The following OTUD4 variants were observed in gnomAD, a reference collection of about 807,000 sequenced individuals.
OTUD4 encodes the protein OTU domain-containing protein 4.
In OTUD4, 24 loss-of-function variants were observed where a neutral mutation model predicts 130.4. The ratio of observed to expected loss-of-function variants is 0.18; its 90% confidence interval spans 0.13 to 0.26. OTUD4 has a LOEUF of 0.26. Among genes scored for constraint, OTUD4 ranks in the 10% least tolerant of loss-of-function variants. OTUD4 has a pLI of 1.00. For synonymous variants in OTUD4, 420 were observed against 472.5 expected (o/e 0.89, Z 1.44); for missense variants, 1,031 against 1,329.4 (o/e 0.78, Z 3.49).
intron 4 of OTUD4, 113 bp downstream of exon 4, chr4:145,165,038 A>G: frequency 1.9e-6 from 1 of 525,140 alleles, no homozygotes; most frequent in Non-Finnish European, 3.3e-6. Flanking sequence ...CTTAGAAAAG[A>G]TACTTCATAA....
chr4:145,174,970 A>T (rs1435061380), intron 1 of OTUD4, among the ~76,000 whole-genome samples: 1 of 152,252 alleles, frequency 6.6e-6, no homozygotes, highest in East Asian at 1.9e-4. Context: ...CCAAATTTGT[A>T]AAGAATTTAT....
In OTUD4 at chr4:145,162,539, G is replaced by A. The variant is rs539891744; in HGVS notation, c.496+101C>T. 8.2e-4 allele frequency: 481 copies of A among 583,906 alleles called. 1 individual carries two copies. In the East Asian group the frequency reaches 0.012, roughly 15 times the overall value. The allele number at this position is 583,906 out of a possible 1,614,324, so 36.2% of individuals were successfully genotyped here. A position where few individuals can be genotyped will look rare whatever the true frequency, so the allele number is the denominator to read the frequency against. On this transcript the variant is annotated intron_variant, in intron 6 of 20. Coordinates refer to ENST00000447906, the MANE Select transcript of OTUD4 (RefSeq NM_001366057.1). ...TGCACTCCAGCCTGGGAGACAGAGC[G>A]AGACTCCGTCTCAAAAAAAAACAAA... is the stretch of plus-strand genomic sequence containing the variant.
In OTUD4 at chr4:145,171,690, TTAAA is replaced by T. The variant is rs1399207905; in HGVS notation, c.270_273del (p.Tyr90Ter). 7.3e-7 allele frequency: 1 copy of T among 1,366,902 alleles called. No homozygotes were observed. Among genetic ancestry groups the T allele is most frequent in the Admixed American group, 1.7e-5 (1 of 58,768 alleles). The allele number at this position is 1,366,902 out of a possible 1,614,324, so 84.7% of individuals were successfully genotyped here. On this transcript the variant is annotated frameshift_variant, in exon 3 of 21. Transcript: ENST00000447906. LOFTEE classifies it high-confidence loss of function. ...CATACCTGTGGATTTTCCAAACGCT[TTAAA>T]TATTCTTCAAATGATCCTTCTATAA... is the stretch of plus-strand genomic sequence containing the variant.
intron 10 of OTUD4, 107 bp from the exon 11 acceptor site, chr4:145,152,742 G>T: frequency 4.7e-6 from 3 of 635,974 alleles, no homozygotes; most frequent in Non-Finnish European, 5.5e-6. Context: ...CTTGAGACAG[G>T]GTCTCACTCT....
chr4:145,156,531 A>C (rs1751300420), intron 7 of OTUD4, among the ~76,000 whole-genome samples: 1 of 152,058 alleles, frequency 6.6e-6, no homozygotes, highest in African/African-American at 2.4e-5. Flanking sequence ...TAAAAATACA[A>C]AATTAGCTGG....
At chr4:145,144,072 C>G in intron 15 of OTUD4, 71 bp from the exon 16 acceptor site, 1 of 1,307,948 alleles carries the variant, frequency 7.6e-7, no homozygotes, top group South Asian at 1.2e-5. Flanking sequence ...GAACAAAATA[C>G]GAAGATAGAA....
rs1483406976 is a variant in OTUD4 at position 145,137,362 on chromosome 4, T to C, written c.*68A>G. 3.0e-6 allele frequency: 4 copies of C among 1,314,228 alleles called. No homozygotes were observed. Among genetic ancestry groups the C allele is most frequent in the Admixed American group, 4.4e-5 (2 of 45,520 alleles). 81.4% of individuals were successfully genotyped at this position (1,314,228 alleles called of 1,614,324 possible). A position where few individuals can be genotyped will look rare whatever the true frequency, so the allele number is the denominator to read the frequency against. ...CAACTGCGGTTTTTACTTTATTGTATTTTTTTTAAAGCCTTCAGAAACATT... is the reference window on the plus strand; with the variant it reads ...CAACTGCGGTTTTTACTTTATTGTACTTTTTTTAAAGCCTTCAGAAACATT... On this transcript the variant is annotated 3_prime_UTR_variant, in exon 21 of 21. Transcript: ENST00000447906.
At chr4:145,177,331 G>C (rs544297062) in intron 1 of OTUD4, among the ~76,000 whole-genome samples, 9 of 152,286 alleles carry the variant, frequency 5.9e-5, no homozygotes, top group Non-Finnish European at 1.3e-4. Flanking sequence ...AAAGATTTTG[G>C]CACATACAAT....
intron 2 of OTUD4, 82 bp downstream of exon 2, chr4:145,174,579 T>C (rs1206799547): frequency 6.5e-6 from 5 of 772,188 alleles, no homozygotes; most frequent in Non-Finnish European, 2.3e-6. Context: ...ATCCAGCCTG[T>C]GAAATTCTAC....
intron 2 of OTUD4, among the ~76,000 whole-genome samples, chr4:145,174,384 G>A (rs1752323266): frequency 6.6e-6 from 1 of 151,928 alleles, no homozygotes; most frequent in Non-Finnish European, 1.5e-5. Context: ...AGTATGCAAG[G>A]GCCTTGTCCA....
intron 6 of OTUD4, among the ~76,000 whole-genome samples, chr4:145,161,111 A>AAACAAC (rs70956827): frequency 0.026 from 3,880 of 150,786 alleles, 120 homozygotes; most frequent in African/African-American, 0.074. Context: ...CTCCACCTCA[A>AAACAAC]AACAACAACA....
intron 8 of OTUD4, 66 bp from the exon 9 acceptor site, chr4:145,155,752 C>T (rs1751253968): frequency 8.7e-6 from 10 of 1,146,296 alleles, no homozygotes; most frequent in South Asian, 2.8e-5. Context: ...TTGAGATACA[C>T]GTAAAACTAA....
Position 145,133,651 on chromosome 4 carries a change from CAAG to C in OTUD4, c.*3776_*3778del, listed in dbSNP as rs1560970990. 1.3e-5 allele frequency: 2 copies of C among 152,496 alleles called. No homozygotes were observed. Among genetic ancestry groups the C allele is most frequent in the Admixed American group, 1.3e-4 (2 of 15,272 alleles). The allele number at this position is 152,496 out of a possible 1,614,324, so 9.4% of individuals were successfully genotyped here. On this transcript the variant is annotated 3_prime_UTR_variant, in exon 21 of 21. Transcript: ENST00000447906. ...GGAACCAAAGAATCACAAGCAGAATCAAGAGACAAAATTTAATATATGCACACA... is the reference window on the plus strand; with the variant it reads ...GGAACCAAAGAATCACAAGCAGAATCAGACAAAATTTAATATATGCACACA...
chr4:145,178,844 C>T (rs1399932152), intron 1 of OTUD4, among the ~76,000 whole-genome samples: 1 of 151,988 alleles, frequency 6.6e-6, no homozygotes, highest in African/African-American at 2.4e-5. Context: ...GAAAAGAAAA[C>T]AGAAACATCA....
intron 7 of OTUD4, among the ~76,000 whole-genome samples, chr4:145,156,835 G>C (rs1055110277): frequency 6.6e-6 from 1 of 152,152 alleles, no homozygotes; most frequent in African/African-American, 2.4e-5. Context: ...AGTGTACACA[G>C]CTGACCCTTG....
intron 7 of OTUD4, among the ~76,000 whole-genome samples, chr4:145,158,968 C>T (rs780821787): frequency 2.6e-5 from 4 of 152,170 alleles, no homozygotes; most frequent in African/African-American, 4.8e-5. Flanking sequence ...CTATCTTGTA[C>T]GTCTTGTGTG....
chr4:145,150,748 T>C, intron 12 of OTUD4, 49 bp from the exon 13 acceptor site: 4 of 1,606,166 alleles, frequency 2.5e-6, no homozygotes, highest in Non-Finnish European at 3.4e-6. Flanking sequence ...TTATAAACAA[T>C]CCCAAGTACC....
chr4:145,139,128 G>A (rs11939616), intron 20 of OTUD4, among the ~76,000 whole-genome samples: 22 of 152,212 alleles, frequency 1.4e-4, no homozygotes, highest in African/African-American at 4.6e-4. Context: ...GAGGGATAAT[G>A]TTGAAAATGA....
At position 145,143,395 on chromosome 4, in the gene OTUD4, CTTT is replaced by C. The variant is rs1750655187; in HGVS notation, c.1650_1652del (p.Lys552del). On this transcript the variant is annotated inframe_deletion, in exon 17 of 21. Coordinates refer to ENST00000447906, the MANE Select transcript of OTUD4 (RefSeq NM_001366057.1). ...CCGCAGGAGAAGGGCACTCTAACTT[CTTT>C]GACTTTGATGGTGATGAAACTGTTG... 2 of 1,611,034 alleles carry C rather than the reference CTTT, an allele frequency of 1.2e-6. No individual in the cohort carries two copies. Among genetic ancestry groups the C allele is most frequent in the East Asian group, 2.2e-5 (1 of 44,780 alleles).
Sources: gnomAD v4.1 joint callset for allele counts (sites outside exome capture counted in the v4.1 genomes callset) on GRCh38, gnomAD v4.1.1 for gene constraint, MANE v1.5 for transcripts, NCBI Gene and HGNC (gene_info 2026-07-23, HGNC 2026-07-21) for gene names.